The following FOXP1 variants were observed in gnomAD, a reference collection of about 807,000 sequenced individuals.
FOXP1 encodes forkhead box protein P1.
Under a neutral mutation model 98.2 loss-of-function variants are expected in FOXP1, and 15 were observed. The observed-to-expected ratio is 0.15, with a 90% CI of 0.10 to 0.24. The LOEUF (loss-of-function observed/expected upper bound fraction) is 0.24, where lower values mean the gene tolerates loss of function less well. FOXP1 is among the 10% of genes least tolerant of loss of function. The pLI is 1.00. For synonymous variants in FOXP1, 371 were observed against 314.5 expected, an observed-to-expected ratio of 1.18 and a Z score of -1.90; for missense variants, 633 against 848.5, an observed-to-expected ratio of 0.75 and a Z score of 3.15.
chr3:71,335,983 C>A lies in FOXP1; in HGVS notation c.-73+23167G>T, dbSNP rs140436681. Among the ~76,000 whole-genome samples the A allele has an allele frequency of 7.9e-3, 1,018 of 129,538 alleles. 8 individuals carry two copies. Among genetic ancestry groups the A allele is most frequent in the Middle Eastern group, 0.024 (4 of 170 alleles). The allele number at this position is 129,538 out of a possible 152,430, so 85.0% of individuals were successfully genotyped here. ...CAAGATCGTGCCATTGCACTCCAGCCTGGGCAATAACAGCGAAACTCCATC... is the reference window on the plus strand; with the variant it reads ...CAAGATCGTGCCATTGCACTCCAGCATGGGCAATAACAGCGAAACTCCATC... On this transcript the variant is annotated intron_variant, in intron 4 of 20. Transcript: ENST00000649528.
chr3:71,440,701 A>C (rs1402926710), intron 3 of FOXP1, among the ~76,000 whole-genome samples: 4 of 151,578 alleles, frequency 2.6e-5, no homozygotes, highest in Admixed American at 6.6e-5. Context: ...GTCTCAAAAA[A>C]AAAAAAAAAA....
intron 3 of FOXP1, among the ~76,000 whole-genome samples, chr3:71,371,312 A>G (rs1445826448): frequency 6.6e-6 from 1 of 152,110 alleles, no homozygotes; most frequent in Non-Finnish European, 1.5e-5. Context: ...AGTCTGTCTC[A>G]GGTGTGGCAT....
rs559150451 is a variant in FOXP1, at chr3:71,036,928, G to A, written c.869+4400C>T. On this transcript the variant is annotated intron_variant, in intron 11 of 20. Transcript: ENST00000649528. ...ATCTTTTAGGGACACTCATTTTATCGTAATTTAGTATTCACTTCTATGCTG... is the reference window on the plus strand; with the variant it reads ...ATCTTTTAGGGACACTCATTTTATCATAATTTAGTATTCACTTCTATGCTG... Among the ~76,000 whole-genome samples the A allele has an allele frequency of 2.0e-5, 3 of 152,256 alleles. No homozygotes were observed. In the East Asian group the frequency reaches 5.8e-4, roughly 29 times the overall value.
In FOXP1 at chr3:71,195,028, C is replaced by G. The variant is rs570821529; in HGVS notation, c.180+3174G>C. 3.9e-5 allele frequency among the ~76,000 whole-genome samples: 6 copies of G among 152,256 alleles called. No individual in the cohort carries two copies. The South Asian group carries it at 1.2e-3, about 32-fold the overall frequency. ...AAATGAGCAATGCTGCTGGTGGGAACGAGAGCAGGCTGGAGGGCTCCCTGT... is the reference window on the plus strand; with the variant it reads ...AAATGAGCAATGCTGCTGGTGGGAAGGAGAGCAGGCTGGAGGGCTCCCTGT... On this transcript the variant is annotated intron_variant, in intron 6 of 20. Transcript: ENST00000649528.
chr3:70,998,940 C>T (rs17008120), intron 13 of FOXP1, among the ~76,000 whole-genome samples: 2,896 of 152,274 alleles, frequency 0.019, 103 homozygotes, highest in African/African-American at 0.067. Flanking sequence ...AGTCTAGAAA[C>T]GGCTACCCGA....
At chr3:71,345,950 T>C (rs1039697036) in intron 4 of FOXP1, among the ~76,000 whole-genome samples, 3 of 144,654 alleles carry the variant, frequency 2.1e-5, no homozygotes, top group South Asian at 2.2e-4. Context: ...AAAGTGCTTT[T>C]CAAGCACAAA....
intron 3 of FOXP1, among the ~76,000 whole-genome samples, chr3:71,445,587 CTG>C (rs1275152061): frequency 1.3e-5 from 2 of 151,892 alleles, no homozygotes; most frequent in Non-Finnish European, 2.9e-5. Context: ...CCATTTGTTT[CTG>C]TGTTATGTAT....
In FOXP1 at chr3:71,394,587, G is replaced by C. The variant is rs2081249905; in HGVS notation, c.-167-35343C>G. On this transcript the variant is annotated intron_variant, in intron 3 of 20. Coordinates refer to ENST00000649528, the MANE Select transcript of FOXP1 (RefSeq NM_001349338.3). ...TTTTAATAGATAAGATGATCAAATT[G>C]AAGGGTCATCAATAATAGCAACTTT... Among the ~76,000 whole-genome samples the C allele has an allele frequency of 2.0e-5, 3 of 152,178 alleles. No homozygotes were observed. The South Asian group carries it at 6.2e-4, about 32-fold the overall frequency.
At chr3:71,453,691 A>C (rs1473777703) in intron 3 of FOXP1, among the ~76,000 whole-genome samples, 1 of 152,186 alleles carries the variant, frequency 6.6e-6, no homozygotes, top group Non-Finnish European at 1.5e-5. Flanking sequence ...CGTTGAAGAA[A>C]TAAACACCAT....
intron 5 of FOXP1, among the ~76,000 whole-genome samples, chr3:71,233,212 AAGGGGAGGGAAGGCATGGG>A (rs2066473391): frequency 7.1e-6 from 1 of 141,392 alleles, no homozygotes; most frequent in African/African-American, 2.6e-5. Flanking sequence ...AAAGGGAGAG[AAGGGGAGGGAAGGCATGGG>A]AGGGGAGGGA....
At chr3:71,578,815 G>T (rs1237206074) in intron 2 of FOXP1, among the ~76,000 whole-genome samples, 1 of 152,142 alleles carries the variant, frequency 6.6e-6, no homozygotes, top group Admixed American at 6.5e-5. Flanking sequence ...AAAAGGCAAA[G>T]AAAAACTCAG....
At chr3:71,458,705 C>T in intron 3 of FOXP1, among the ~76,000 whole-genome samples, 1 of 152,196 alleles carries the variant, frequency 6.6e-6, no homozygotes, top group Admixed American at 6.5e-5. Context: ...AAACCCCACC[C>T]TGTAAGGAAC....
intron 2 of FOXP1, among the ~76,000 whole-genome samples, chr3:71,518,353 C>T (rs2042729356): frequency 6.6e-6 from 1 of 152,066 alleles, no homozygotes; most frequent in Non-Finnish European, 1.5e-5. Flanking sequence ...AAAAACCTCC[C>T]CATGCTTATT....
At chr3:70,980,936 G>C (rs777897957) in intron 14 of FOXP1, among the ~76,000 whole-genome samples, 2 of 152,118 alleles carry the variant, frequency 1.3e-5, no homozygotes, top group African/African-American at 2.4e-5. Context: ...CTTTCTGAAA[G>C]ATGCAATGAA....
intron 6 of FOXP1, among the ~76,000 whole-genome samples, chr3:71,143,928 C>T (rs535995312): frequency 3.3e-5 from 5 of 152,188 alleles, no homozygotes; most frequent in South Asian, 2.1e-4. Flanking sequence ...GTTTATAATA[C>T]GGCTTTTACT....
At chr3:71,109,984 A>G (rs968473911) in intron 7 of FOXP1, among the ~76,000 whole-genome samples, 13 of 152,180 alleles carry the variant, frequency 8.5e-5, no homozygotes, top group African/African-American at 2.9e-4. Flanking sequence ...CTTTACCAAA[A>G]CCAGCGTTCA....
intron 3 of FOXP1, among the ~76,000 whole-genome samples, chr3:71,452,843 G>C (rs1005933111): frequency 1.6e-4 from 25 of 152,134 alleles, no homozygotes; most frequent in African/African-American, 6.0e-4. Context: ...AGTCCCAATG[G>C]ATGAAATGAA....
At chr3:71,179,263 G>A (rs1037112210) in intron 6 of FOXP1, among the ~76,000 whole-genome samples, 5 of 151,264 alleles carry the variant, frequency 3.3e-5, no homozygotes, top group Admixed American at 6.6e-5. Flanking sequence ...CGAGTAGCTG[G>A]GATTACAGGT....
intron 11 of FOXP1, 125 bp from the exon 12 acceptor site, chr3:71,015,778 C>T: frequency 3.1e-6 from 2 of 652,952 alleles, no homozygotes; most frequent in Admixed American, 2.6e-5. Flanking sequence ...TCTGTGATTT[C>T]CCCCATCCCA....
Sources: gnomAD v4.1 joint callset for allele counts (sites outside exome capture counted in the v4.1 genomes callset) on GRCh38, gnomAD v4.1.1 for gene constraint, MANE v1.5 for transcripts, NCBI Gene and HGNC (gene_info 2026-07-23, HGNC 2026-07-21) for gene names.